GALNT17: variants seen among roughly 807,000 people sequenced by gnomAD.
The protein encoded by GALNT17 is UDP-GalNAc:polypeptide N-acetylgalactosaminyltransferase-like 3.
In GALNT17, 29 loss-of-function variants were observed where a neutral mutation model predicts 63.7. That is an observed-to-expected ratio of 0.46 (90% CI 0.34 to 0.62). The LOEUF (loss-of-function observed/expected upper bound fraction) is 0.62. Among genes scored for constraint, GALNT17 ranks in the 20% least tolerant of loss-of-function variants. The pLI, the probability that GALNT17 is intolerant of heterozygous loss-of-function variation, is 0.01. For missense variants in GALNT17, 603 were observed against 799.6 expected (o/e 0.75, Z 2.97); for synonymous variants, 305 against 318.3 (o/e 0.96, Z 0.45).
intron 6 of GALNT17, among the ~76,000 whole-genome samples, chr7:71,635,890 G>A (rs570282474): frequency 3.3e-5 from 5 of 152,250 alleles, no homozygotes; most frequent in Non-Finnish European, 7.4e-5. Flanking sequence ...GGTCACTCTC[G>A]TCACCATCTT....
At chr7:71,309,675 A>C (rs1791377832) in intron 1 of GALNT17, among the ~76,000 whole-genome samples, 2 of 152,190 alleles carry the variant, frequency 1.3e-5, no homozygotes, top group Admixed American at 1.3e-4. Context: ...TATTATAATG[A>C]TAATAAGAGT....
intron 6 of GALNT17, among the ~76,000 whole-genome samples, chr7:71,620,191 TA>T (rs1260997496): frequency 6.6e-6 from 1 of 152,198 alleles, no homozygotes; most frequent in South Asian, 2.1e-4. Flanking sequence ...TTCAGTTTGC[TA>T]GTATTTTGTT....
chr7:71,348,586 T>C (rs985516897), intron 2 of GALNT17, among the ~76,000 whole-genome samples: 2 of 152,100 alleles, frequency 1.3e-5, no homozygotes, highest in Non-Finnish European at 2.9e-5. Context: ...ACCCCCGGGG[T>C]CATTGACTCT....
At chr7:71,174,592 G>T (rs141280551) in intron 1 of GALNT17, among the ~76,000 whole-genome samples, 2 of 152,142 alleles carry the variant, frequency 1.3e-5, no homozygotes, top group East Asian at 1.9e-4. Context: ...TATAGGTTTC[G>T]GGATGGGCGG....
chr7:71,151,296 A>G (rs1309663640), intron 1 of GALNT17, among the ~76,000 whole-genome samples: 1 of 152,152 alleles, frequency 6.6e-6, no homozygotes, highest in Non-Finnish European at 1.5e-5. Flanking sequence ...TTTCTAGGTC[A>G]GCTTCTGTGC....
chr7:71,258,437 A>G (rs1790326088), intron 1 of GALNT17, among the ~76,000 whole-genome samples: 2 of 152,188 alleles, frequency 1.3e-5, no homozygotes, highest in South Asian at 4.1e-4. Context: ...TGCAGGTTAC[A>G]AGTCAGTTCT....
intron 4 of GALNT17, among the ~76,000 whole-genome samples, chr7:71,417,609 T>A (rs950816224): frequency 2.0e-5 from 3 of 152,126 alleles, no homozygotes; most frequent in African/African-American, 7.2e-5. Flanking sequence ...GCAGGTGAGA[T>A]CCAGCGATCT....
intron 5 of GALNT17, among the ~76,000 whole-genome samples, chr7:71,468,693 A>G (rs984853469): frequency 1.3e-5 from 2 of 152,056 alleles, no homozygotes; most frequent in Non-Finnish European, 2.9e-5. Context: ...CTGGGATTAC[A>G]GGTGTGAGCC....
At chr7:71,276,419 T>A (rs1790682485) in intron 1 of GALNT17, among the ~76,000 whole-genome samples, 1 of 152,160 alleles carries the variant, frequency 6.6e-6, no homozygotes, top group Non-Finnish European at 1.5e-5. Flanking sequence ...TGGCTCTTTG[T>A]CCCCCACAAA....
At position 71,712,314 on chromosome 7, in the gene GALNT17, C is replaced by T; in HGVS notation, c.*168C>T. 1.3e-6 allele frequency: 1 copy of T among 763,224 alleles called. No homozygotes were observed. Among genetic ancestry groups the T allele is most frequent in the South Asian group, 2.0e-5 (1 of 50,894 alleles). The allele number at this position is 763,224 out of a possible 1,614,324, so 47.3% of individuals were successfully genotyped here. A position where few individuals can be genotyped will look rare whatever the true frequency, so the allele number is the denominator to read the frequency against. ...GGGACCCCGGATGAAGACTCTGTCC[C>T]CCCTCAGGCATTCAGCTGCCCACAA... On this transcript the variant is annotated 3_prime_UTR_variant, in exon 11 of 11. Coordinates refer to ENST00000333538, the MANE Select transcript of GALNT17 (RefSeq NM_022479.3).
At chr7:71,656,398 A>C (rs1427010265) in intron 6 of GALNT17, among the ~76,000 whole-genome samples, 4 of 152,136 alleles carry the variant, frequency 2.6e-5, no homozygotes, top group Non-Finnish European at 5.9e-5. Context: ...GGAATGGGGC[A>C]CAGGGGAGGA....
intron 2 of GALNT17, among the ~76,000 whole-genome samples, chr7:71,346,026 TAAAA>T (rs35499113): frequency 0.07 from 8,854 of 127,154 alleles, 297 homozygotes; most frequent in Non-Finnish European, 0.094. Flanking sequence ...TACTAAAAAT[TAAAA>T]AAAAAAAAAA....
At chr7:71,672,027 CAAA>C (rs55777129) in intron 8 of GALNT17, among the ~76,000 whole-genome samples, 2,669 of 104,626 alleles carry the variant, frequency 0.026, 35 homozygotes, top group African/African-American at 0.061. Flanking sequence ...GACTCTGTCT[CAAA>C]AAAAAAAAAA....
At chr7:71,356,258 C>G (rs140618350) in intron 2 of GALNT17, among the ~76,000 whole-genome samples, 14 of 152,170 alleles carry the variant, frequency 9.2e-5, no homozygotes, top group African/African-American at 3.1e-4. Context: ...GATTTGCTTA[C>G]ATTCATTAAT....
At chr7:71,158,770 T>C (rs1788284951) in intron 1 of GALNT17, among the ~76,000 whole-genome samples, 1 of 151,538 alleles carries the variant, frequency 6.6e-6, no homozygotes, top group Non-Finnish European at 1.5e-5. Context: ...AGAGATGGGG[T>C]TTCACCGTGT....
At chr7:71,202,698 A>G (rs1789196847) in intron 1 of GALNT17, among the ~76,000 whole-genome samples, 1 of 152,174 alleles carries the variant, frequency 6.6e-6, no homozygotes, top group Admixed American at 6.5e-5. Flanking sequence ...TTTATTAATA[A>G]CTGTAGTCAC....
intron 2 of GALNT17, among the ~76,000 whole-genome samples, chr7:71,368,092 G>T (rs1462126833): frequency 1.3e-5 from 2 of 152,210 alleles, no homozygotes; most frequent in African/African-American, 4.8e-5. Context: ...GAACAGACGT[G>T]GGGAGGGGGA....
rs367562323 is a variant in GALNT17 at position 71,458,293 on chromosome 7, C to T, written c.962+37188C>T. Reference sequence around the variant, plus strand: ...TCGAAACAGGAGACTTCTCTCACCCCCCTTGCAGGATGTGCTGCAGGGGCA... The same window carrying T: ...TCGAAACAGGAGACTTCTCTCACCCTCCTTGCAGGATGTGCTGCAGGGGCA... On this transcript the variant is annotated intron_variant, in intron 5 of 10. Coordinates refer to ENST00000333538, the MANE Select transcript of GALNT17 (RefSeq NM_022479.3). Among the ~76,000 whole-genome samples, 7 of 152,314 alleles carry T rather than the reference C, an allele frequency of 4.6e-5. No homozygotes were observed. The East Asian group carries it at 7.7e-4, about 17-fold the overall frequency.
chr7:71,701,155 A>T (rs1404334562), intron 9 of GALNT17, among the ~76,000 whole-genome samples: 1 of 152,134 alleles, frequency 6.6e-6, no homozygotes, highest in Non-Finnish European at 1.5e-5. Context: ...GTGGATGTGA[A>T]ATTTTAAATA....
Sources: gnomAD v4.1 joint callset for allele counts (sites outside exome capture counted in the v4.1 genomes callset) on GRCh38, gnomAD v4.1.1 for gene constraint, MANE v1.5 for transcripts, NCBI Gene and HGNC (gene_info 2026-07-23, HGNC 2026-07-21) for gene names.